Variants in PRDM6 observed in about 807,000 individuals in gnomAD.
The protein encoded by PRDM6 is putative histone-lysine N-methyltransferase PRDM6.
Under a neutral mutation model 60.8 loss-of-function variants are expected in PRDM6, and 25 were observed. That is an observed-to-expected ratio of 0.41 (90% CI 0.30 to 0.57). The LOEUF is 0.57. PRDM6 is among the 20% of genes least tolerant of loss of function. The probability of loss-of-function intolerance (pLI) is 0.27; values close to 1 mark genes in which losing one functional copy is unlikely to be tolerated. For synonymous variants in PRDM6, 407 were observed against 357.4 expected, an observed-to-expected ratio of 1.14 and a Z score of -1.57; for missense variants, 839 against 821.3, an observed-to-expected ratio of 1.02 and a Z score of -0.26.
At chr5:123,182,088 T>G (rs754747128) in intron 7 of PRDM6, among the ~76,000 whole-genome samples, 15 of 152,234 alleles carry the variant, frequency 9.9e-5, no homozygotes, top group Admixed American at 2.0e-4. Context: ...GTCTGTACTA[T>G]GCCACCCATG....
rs1766391092 is a variant in PRDM6 at position 123,190,579 on chromosome 5, T to G, written c.*3378T>G. 1 of 152,176 alleles carries G rather than the reference T, an allele frequency of 6.6e-6. No individual in the cohort carries two copies. The highest frequency in any genetic ancestry group is 2.4e-5 in the African/African-American group (1 of 41,454). The allele number at this position is 152,176 out of a possible 1,614,324, so 9.4% of individuals were successfully genotyped here. On this transcript the variant is annotated 3_prime_UTR_variant, in exon 8 of 8. Transcript: ENST00000407847. ...TTTAAATGTAGCCTTCTTGGGAAAC[T>G]ATGTATAACAGGAAAAGATCATGAC... is the stretch of plus-strand genomic sequence containing the variant.
chr5:123,165,286 C>A (rs1765728417), intron 5 of PRDM6, among the ~76,000 whole-genome samples: 2 of 152,224 alleles, frequency 1.3e-5, no homozygotes, highest in South Asian at 4.1e-4. Flanking sequence ...ACTGCCTCTC[C>A]CATCTTTCAG....
At chr5:123,169,341 G>A (rs1028463802) in intron 5 of PRDM6, among the ~76,000 whole-genome samples, 5 of 152,152 alleles carry the variant, frequency 3.3e-5, no homozygotes, top group Admixed American at 3.3e-4. Context: ...GCAAATTCTA[G>A]CTATATTATT....
At chr5:123,114,986 G>C (rs1038913448) in intron 3 of PRDM6, among the ~76,000 whole-genome samples, 4 of 152,178 alleles carry the variant, frequency 2.6e-5, no homozygotes, top group African/African-American at 9.7e-5. Context: ...AATAAATTAG[G>C]AGTTGTAAGT....
At chr5:123,092,165 TACA>T (rs1267820062) in intron 2 of PRDM6, among the ~76,000 whole-genome samples, 3 of 152,250 alleles carry the variant, frequency 2.0e-5, no homozygotes, top group African/African-American at 7.2e-5. Context: ...CAGAAAGTTT[TACA>T]ACATTATACT....
At chr5:123,175,634 T>C (rs1435682679) in intron 6 of PRDM6, among the ~76,000 whole-genome samples, 2 of 152,224 alleles carry the variant, frequency 1.3e-5, no homozygotes, top group African/African-American at 2.4e-5. Flanking sequence ...CAGCCAGCAG[T>C]GACCTAAGTA....
intron 6 of PRDM6, among the ~76,000 whole-genome samples, chr5:123,177,645 T>C (rs1403852097): frequency 2.0e-5 from 3 of 152,216 alleles, no homozygotes; most frequent in Non-Finnish European, 2.9e-5. Flanking sequence ...GCTCCATGTA[T>C]AGGGAGCTGA....
intron 2 of PRDM6, among the ~76,000 whole-genome samples, chr5:123,091,901 T>C (rs1763847854): frequency 6.6e-6 from 1 of 152,122 alleles, no homozygotes; most frequent in South Asian, 2.1e-4. Flanking sequence ...TAAGTTCAGT[T>C]ATAGCTCTTT....
chr5:123,178,468 C>A (rs562920807), intron 6 of PRDM6, among the ~76,000 whole-genome samples: 2 of 152,254 alleles, frequency 1.3e-5, no homozygotes, highest in African/African-American at 4.8e-5. Flanking sequence ...GGCAGGAGGA[C>A]ATTTTCATCT....
chr5:123,090,238 C>G lies in PRDM6; in HGVS notation c.224C>G (p.Ser75Cys). The G allele has an allele frequency of 1.4e-6, 2 of 1,479,720 alleles. No individual in the cohort carries two copies. The highest frequency in any genetic ancestry group is 1.8e-6 in the Non-Finnish European group (2 of 1,115,204). The allele number at this position is 1,479,720 out of a possible 1,614,324, so 91.7% of individuals were successfully genotyped here. ...PPDSLRPRPA[S>C]LSSASSTPAS... ...GACAGCCTGCGCCCGCGGCCCGCCT[C>G]TCTCTCCTCCGCCTCGTCCACGCCG... Residue 75 changes from serine to cysteine, a missense_variant, in exon 2 of 8, where the codon TCT becomes TGT. Around this residue, in one of 2 missense-constraint regions of PRDM6, gnomAD observed 730 missense variants for 648.8 expected, o/e 1.13. Transcript: ENST00000407847.
chr5:123,100,336 T>G (rs1764072975), intron 3 of PRDM6, among the ~76,000 whole-genome samples: 1 of 152,178 alleles, frequency 6.6e-6, no homozygotes. Flanking sequence ...GGGTGGGCAT[T>G]AGAATGTTTG....
chr5:123,163,882 T>A (rs1215965609), intron 5 of PRDM6, among the ~76,000 whole-genome samples: 2 of 152,014 alleles, frequency 1.3e-5, no homozygotes, highest in African/African-American at 4.8e-5. Context: ...TGCACTGGAG[T>A]AAACCCTGCC....
intron 7 of PRDM6, among the ~76,000 whole-genome samples, chr5:123,182,402 A>T (rs1362486028): frequency 6.6e-6 from 1 of 152,258 alleles, no homozygotes; most frequent in Non-Finnish European, 1.5e-5. Context: ...TAGAAAGGGC[A>T]GCCAGACCAA....
At chr5:123,171,404 G>T (rs1052601081) in intron 6 of PRDM6, among the ~76,000 whole-genome samples, 1 of 152,166 alleles carries the variant, frequency 6.6e-6, no homozygotes, top group African/African-American at 2.4e-5. Context: ...GAAAAATGAG[G>T]TCAGGATAAT....
intron 3 of PRDM6, among the ~76,000 whole-genome samples, chr5:123,131,816 A>G (rs1288939525): frequency 3.9e-5 from 6 of 152,334 alleles, no homozygotes; most frequent in Admixed American, 3.9e-4. Flanking sequence ...ATTGATATTG[A>G]ATGCTTATTA....
In PRDM6 at chr5:123,104,885, C is replaced by T. The variant is rs146270105; in HGVS notation, c.900+4924C>T. Among the ~76,000 whole-genome samples, 263 of 152,240 alleles carry T rather than the reference C, an allele frequency of 1.7e-3. 1 individual carries two copies. The highest frequency in any genetic ancestry group is 6.0e-3 in the African/African-American group (248 of 41,532). ...AGTCAAAACTTAGTACTTTAAGTTGCTTTGAAAATGTCCATTTAAAGTTCT... is the reference window on the plus strand; with the variant it reads ...AGTCAAAACTTAGTACTTTAAGTTGTTTTGAAAATGTCCATTTAAAGTTCT... On this transcript the variant is annotated intron_variant, in intron 3 of 7. Transcript: ENST00000407847.
chr5:123,177,976 T>A (rs1336494698), intron 6 of PRDM6, among the ~76,000 whole-genome samples: 2 of 152,150 alleles, frequency 1.3e-5, no homozygotes, highest in African/African-American at 4.8e-5. Flanking sequence ...ACTGCATCCC[T>A]AGCATATGCC....
At position 123,099,655 on chromosome 5, in the gene PRDM6, T is replaced by A; in HGVS notation, c.594T>A (p.Arg198=). The change falls in exon 3 of 8, where the codon CGT becomes CGA. Residue 198 remains arginine, a splice_region_variant and synonymous_variant. Coordinates refer to ENST00000407847, the MANE Select transcript of PRDM6 (RefSeq NM_001136239.4). The surrounding 1 kb of genome is among the most constrained non-coding windows in gnomAD (Gnocchi z 4.0). ...CTTCCTCCTTCTTGTCTCCCGCAGG[T>A]TGCGACATGTGCGCGGACAACCGCA... is the stretch of plus-strand genomic sequence containing the variant. ...LNQHTSDPNN[R]CDMCADNRNG... The A allele has an allele frequency of 2.1e-6, 3 of 1,455,328 alleles. No individual in the cohort carries two copies. Among genetic ancestry groups the A allele is most frequent in the Non-Finnish European group, 2.7e-6 (3 of 1,100,192 alleles). The allele number at this position is 1,455,328 out of a possible 1,614,324, so 90.2% of individuals were successfully genotyped here.
intron 5 of PRDM6, among the ~76,000 whole-genome samples, chr5:123,163,886 C>A (rs996839893): frequency 6.6e-6 from 1 of 152,148 alleles, no homozygotes; most frequent in East Asian, 1.9e-4. Context: ...CTGGAGTAAA[C>A]CCTGCCTGGA....
Sources: allele counts gnomAD v4.1 joint callset (sites outside exome capture counted in the v4.1 genomes callset), GRCh38; gene constraint gnomAD v4.1.1; regional missense constraint gnomAD v4.1.1; non-coding constraint Gnocchi (gnomAD v3.1); transcripts MANE v1.5; gene names NCBI Gene and HGNC (gene_info 2026-07-23, HGNC 2026-07-21).